ATRNL1: variants seen among roughly 807,000 people sequenced by gnomAD.
ATRNL1 encodes attractin like 1.
In ATRNL1, 95 loss-of-function variants were observed where a neutral mutation model predicts 182.7. That is an observed-to-expected ratio of 0.52 (90% confidence interval 0.44 to 0.62). The LOEUF is 0.62. ATRNL1 is among the 20% of genes least tolerant of loss of function. ATRNL1 has a pLI of 0.00. For missense variants in ATRNL1, 1,471 were observed against 1,679.5 expected (o/e 0.88, Z 2.17); for synonymous variants, 576 against 568.3 (o/e 1.01, Z -0.19).
At chr10:115,904,678 A>G (rs547585174) in intron 28 of ATRNL1, among the ~76,000 whole-genome samples, 1 of 152,348 alleles carries the variant, frequency 6.6e-6, no homozygotes, top group Admixed American at 6.5e-5. Flanking sequence ...GAGATCAAAC[A>G]ACCTGATTAA....
chr10:115,828,786 G>A (rs1305860296), intron 27 of ATRNL1, among the ~76,000 whole-genome samples: 1 of 152,132 alleles, frequency 6.6e-6, no homozygotes, highest in Non-Finnish European at 1.5e-5. Context: ...CCTCGATCTA[G>A]TCTGTGCGAG....
At chr10:115,120,786 A>G (rs536556793) in intron 2 of ATRNL1, among the ~76,000 whole-genome samples, 167 of 152,278 alleles carry the variant, frequency 1.1e-3, no homozygotes, top group African/African-American at 3.9e-3. Flanking sequence ...TGTAATTTCT[A>G]AAGAGTATAT....
intron 28 of ATRNL1, among the ~76,000 whole-genome samples, chr10:115,881,510 AC>A (rs1476885590): frequency 3.9e-5 from 6 of 152,248 alleles, no homozygotes; most frequent in Admixed American, 2.6e-4. Flanking sequence ...GGCTTACCTA[AC>A]CAAAATATTG....
rs1321921658 is a variant in ATRNL1 at position 115,416,617 on chromosome 10, T to C, written c.3270-9633T>C. Among the ~76,000 whole-genome samples the C allele has an allele frequency of 1.1e-4, 17 of 152,276 alleles. No individual in the cohort carries two copies. In the Middle Eastern group the frequency reaches 0.017, roughly 153 times the overall value. On this transcript the variant is annotated intron_variant, in intron 20 of 28. Coordinates refer to ENST00000355044, the MANE Select transcript of ATRNL1 (RefSeq NM_207303.4). The stretch of plus-strand genomic sequence containing the variant: ...GACTATTGAAAACTTAGAATTGGGA[T>C]GCCAAAGTTACTTCCTACACAAGAA...
intron 20 of ATRNL1, among the ~76,000 whole-genome samples, chr10:115,414,047 C>T (rs1432554615): frequency 2.0e-5 from 3 of 152,016 alleles, no homozygotes; most frequent in Non-Finnish European, 2.9e-5. Context: ...GCTTTTGTAC[C>T]TTCTCCGGCT....
At chr10:115,599,257 CAG>C (rs1656120924) in intron 26 of ATRNL1, among the ~76,000 whole-genome samples, 2 of 152,134 alleles carry the variant, frequency 1.3e-5, no homozygotes, top group African/African-American at 2.4e-5. Flanking sequence ...CTTCAAGTGA[CAG>C]AGTTTTTTCA....
At chr10:115,515,213 C>T (rs1348786094) in intron 24 of ATRNL1, among the ~76,000 whole-genome samples, 11 of 151,746 alleles carry the variant, frequency 7.2e-5, no homozygotes, top group African/African-American at 2.7e-4. Flanking sequence ...CTCATAGACA[C>T]TGGTACCTTC....
chr10:115,532,391 A>C (rs1374416846), intron 25 of ATRNL1, among the ~76,000 whole-genome samples: 1 of 152,120 alleles, frequency 6.6e-6, no homozygotes, highest in Non-Finnish European at 1.5e-5. Context: ...CTTTGAAGTA[A>C]TTGTGAATGG....
chr10:115,469,955 A>G (rs998000574), intron 24 of ATRNL1, among the ~76,000 whole-genome samples: 5 of 150,590 alleles, frequency 3.3e-5, no homozygotes, highest in Non-Finnish European at 7.5e-5. Flanking sequence ...AAGCCTATCT[A>G]TTGGGATGCT....
chr10:115,718,750 A>G (rs1032403416), intron 26 of ATRNL1, among the ~76,000 whole-genome samples: 1 of 152,212 alleles, frequency 6.6e-6, no homozygotes, highest in African/African-American at 2.4e-5. Flanking sequence ...ATATTTTTGC[A>G]TATATGGAGG....
intron 28 of ATRNL1, among the ~76,000 whole-genome samples, chr10:115,940,986 G>A (rs1464709171): frequency 2.0e-5 from 3 of 152,120 alleles, no homozygotes; most frequent in African/African-American, 7.2e-5. Context: ...CTCATGATGG[G>A]CCACAAGCCG....
At chr10:115,102,442 A>G (rs1843812769) in intron 1 of ATRNL1, among the ~76,000 whole-genome samples, 1 of 152,012 alleles carries the variant, frequency 6.6e-6, no homozygotes, top group Non-Finnish European at 1.5e-5. Context: ...GTGTATATAT[A>G]TATACACATA....
chr10:115,132,151 A>G (rs567278309), intron 5 of ATRNL1, among the ~76,000 whole-genome samples: 22 of 149,758 alleles, frequency 1.5e-4, no homozygotes, highest in African/African-American at 4.2e-4. Flanking sequence ...TCATTGTTCA[A>G]TTCCCACCTA....
chr10:115,331,128 C>T (rs1229992127), intron 18 of ATRNL1, among the ~76,000 whole-genome samples: 11 of 151,772 alleles, frequency 7.2e-5, no homozygotes, highest in African/African-American at 2.4e-4. Flanking sequence ...GGTGCAATCT[C>T]GGCTCACTGC....
At chr10:115,499,517 C>G in intron 24 of ATRNL1, among the ~76,000 whole-genome samples, 1 of 152,300 alleles carries the variant, frequency 6.6e-6, no homozygotes, top group Middle Eastern at 3.4e-3. Context: ...GTTTTGATGA[C>G]ATGTGCCCAA....
chr10:115,690,849 G>C (rs58970050), intron 26 of ATRNL1, among the ~76,000 whole-genome samples: 5,220 of 152,214 alleles, frequency 0.034, 329 homozygotes, highest in African/African-American at 0.12. Context: ...CACTCCCTAT[G>C]CTAGCGTCAG....
chr10:115,356,345 A>G (rs1856502984), intron 19 of ATRNL1, among the ~76,000 whole-genome samples: 1 of 152,116 alleles, frequency 6.6e-6, no homozygotes. Flanking sequence ...TTCTTTTGAC[A>G]CAACAATGTT....
At chr10:115,732,878 G>C (rs991049812) in intron 27 of ATRNL1, among the ~76,000 whole-genome samples, 2 of 152,126 alleles carry the variant, frequency 1.3e-5, no homozygotes, top group Admixed American at 1.3e-4. Context: ...AATAGTCATA[G>C]ATAATTGTGG....
chr10:115,810,395 C>T (rs1950020370), intron 27 of ATRNL1, among the ~76,000 whole-genome samples: 1 of 151,870 alleles, frequency 6.6e-6, no homozygotes, highest in Non-Finnish European at 1.5e-5. Context: ...ATAGAAATTG[C>T]CCACTGAAGC....
Sources: gnomAD v4.1 joint callset for allele counts (sites outside exome capture counted in the v4.1 genomes callset) on GRCh38, gnomAD v4.1.1 for gene constraint, MANE v1.5 for transcripts, NCBI Gene and HGNC (gene_info 2026-07-23, HGNC 2026-07-21) for gene names.